RFFL: variants seen among roughly 807,000 people sequenced by gnomAD.
RFFL encodes ring finger and FYVE like domain containing E3 ubiquitin protein ligase, also known as E3 ubiquitin-protein ligase rififylin.
Under a neutral mutation model 40.4 loss-of-function variants are expected in RFFL, and 16 were observed. The observed-to-expected ratio is 0.40, with a 90% confidence interval of 0.27 to 0.60. RFFL has a LOEUF of 0.60. Ranked by LOEUF, RFFL falls within the 20% of genes least tolerant of loss-of-function variation. RFFL has a pLI of 0.47. For synonymous variants in RFFL, 154 were observed against 167.9 expected (o/e 0.92, Z 0.64); for missense variants, 367 against 451.7 (o/e 0.81, Z 1.70).
chr17:35,027,676 A>G lies in RFFL; in HGVS notation c.-8-1115T>C, dbSNP rs114137486. On this transcript the variant is annotated intron_variant, in intron 1 of 6. Transcript: ENST00000394597. ...GAAGTAGAGGTTGTGGTGACCCCAG[A>G]TCGTGCCACTGCACTCTAGCCTGGA... 7.0e-3 allele frequency among the ~76,000 whole-genome samples: 1,029 copies of G among 146,788 alleles called. 10 individuals carry two copies. Among genetic ancestry groups the G allele is most frequent in the African/African-American group, 0.024 (945 of 39,834 alleles).
chr17:35,017,687 A>G, intron 3 of RFFL, 81 bp from the exon 4 acceptor site: 2 of 903,142 alleles, frequency 2.2e-6, no homozygotes, highest in Non-Finnish European at 3.6e-6. Flanking sequence ...AACTCACACA[A>G]TGTCCAGAAT....
chr17:35,035,606 C>T (rs1256962960), intron 1 of RFFL, among the ~76,000 whole-genome samples: 1 of 151,084 alleles, frequency 6.6e-6, no homozygotes, highest in African/African-American at 2.4e-5. Context: ...AGTCAGCCGA[C>T]TAGGCTTTTA....
chr17:35,012,171 A>G (rs1165763392), intron 6 of RFFL, 22 bp from the exon 7 acceptor site: 3 of 1,603,294 alleles, frequency 1.9e-6, no homozygotes, highest in Non-Finnish European at 2.6e-6. Flanking sequence ...CACAGGGCAG[A>G]AAAAAAGGGG....
rs2090903604 is a variant in RFFL, at chr17:35,007,539, G to A, written c.*4429C>T. The A allele has an allele frequency of 1.3e-5, 2 of 152,234 alleles. No individual in the cohort carries two copies. Among genetic ancestry groups the A allele is most frequent in the South Asian group, 4.1e-4 (2 of 4,834 alleles). 9.4% of individuals were successfully genotyped at this position (152,234 alleles called of 1,614,324 possible). A position where few individuals can be genotyped will look rare whatever the true frequency, so the allele number is the denominator to read the frequency against. On this transcript the variant is annotated 3_prime_UTR_variant, in exon 7 of 7. Transcript: ENST00000394597. ...CTCCCTAGGGCAATGTGAGCAAAGT[G>A]TTGTGGCTCATCCTCGATCCTTTAT...
At chr17:35,077,895 T>C (rs1394490294) in intron 1 of RFFL, among the ~76,000 whole-genome samples, 1 of 152,212 alleles carries the variant, frequency 6.6e-6, no homozygotes, top group Non-Finnish European at 1.5e-5. Flanking sequence ...AAATCCACAG[T>C]AGTCAGCCAA....
chr17:35,061,959 C>T (rs1279332747), intron 1 of RFFL, among the ~76,000 whole-genome samples: 2 of 151,640 alleles, frequency 1.3e-5, no homozygotes, highest in African/African-American at 2.4e-5. Context: ...GGATTACAGG[C>T]GTGAGCCACC....
intron 1 of RFFL, among the ~76,000 whole-genome samples, chr17:35,040,800 T>C (rs939474229): frequency 9.3e-5 from 14 of 150,850 alleles, no homozygotes; most frequent in Admixed American, 6.6e-4. Flanking sequence ...GAACTTCCTA[T>C]GCTTAGCTCC....
intron 3 of RFFL, among the ~76,000 whole-genome samples, chr17:35,019,891 A>T (rs915146851): frequency 1.3e-5 from 2 of 152,196 alleles, no homozygotes; most frequent in African/African-American, 2.4e-5. Flanking sequence ...ACTGCAGTTA[A>T]ATTATGCTAT....
rs893197194 is a variant in RFFL, at chr17:35,007,066, T to C, written c.*4902A>G. On this transcript the variant is annotated 3_prime_UTR_variant, in exon 7 of 7. Coordinates refer to ENST00000394597, the MANE Select transcript of RFFL (RefSeq NM_001017368.2). ...TGACCTACATAGATTTCCATTTCTC[T>C]CTTCAGCCTCAGGCCAAACAAACAA... The C allele has an allele frequency of 6.6e-6, 1 of 152,270 alleles. No individual in the cohort carries two copies. The highest frequency in any genetic ancestry group is 2.4e-5 in the African/African-American group (1 of 41,462). The allele number at this position is 152,270 out of a possible 1,614,324, so 9.4% of individuals were successfully genotyped here. A position where few individuals can be genotyped will look rare whatever the true frequency, so the allele number is the denominator to read the frequency against.
intron 1 of RFFL, among the ~76,000 whole-genome samples, chr17:35,049,304 G>GCACA (rs111976707): frequency 0.025 from 3,745 of 149,908 alleles, 152 homozygotes; most frequent in African/African-American, 0.086. Context: ...GGTACAGAAT[G>GCACA]CACACACACA....
At chr17:35,028,877 T>C (rs1395526955) in intron 1 of RFFL, among the ~76,000 whole-genome samples, 2 of 152,002 alleles carry the variant, frequency 1.3e-5, no homozygotes, top group African/African-American at 4.8e-5. Flanking sequence ...ACCTGTGATA[T>C]AATTCGCTCC....
chr17:35,039,880 G>A (rs915376943), intron 1 of RFFL, among the ~76,000 whole-genome samples: 4 of 151,164 alleles, frequency 2.6e-5, no homozygotes, highest in East Asian at 2.0e-4. Context: ...TCTCCATGTC[G>A]GTCAGACTGG....
At chr17:35,062,909 G>T (rs752973103) in intron 1 of RFFL, among the ~76,000 whole-genome samples, 9 of 152,018 alleles carry the variant, frequency 5.9e-5, no homozygotes, top group Non-Finnish European at 1.3e-4. Flanking sequence ...AGGAATATGG[G>T]AACAAACTCA....
intron 1 of RFFL, chr17:35,069,212 C>T (rs1377952622): frequency 8.8e-6 from 4 of 456,432 alleles, no homozygotes; most frequent in Non-Finnish European, 1.8e-5. Context: ...GTCTCCCTGA[C>T]ACACATGCCC....
Position 35,012,049 on chromosome 17 carries a change from A to T in RFFL, c.1011T>A (p.Cys337Ter). Residue 337 changes from cysteine (C) to a stop codon, truncating the protein, a stop_gained, in exon 7 of 7, where the codon TGT (cysteine) becomes TGA (stop). Transcript: ENST00000394597. LOFTEE classifies it high-confidence loss of function. ...VLLECGHMVTCTKCGKRMNEC... is the reference protein window; with the variant it reads ...VLLECGHMVT Reference sequence around the variant, plus strand: ...CATTCATGCGCTTGCCACACTTGGTACAGGTTACCATGTGGCCACACTCCA... The same window carrying T: ...CATTCATGCGCTTGCCACACTTGGTTCAGGTTACCATGTGGCCACACTCCA... The T allele has an allele frequency of 6.2e-7, 1 of 1,614,180 alleles. No homozygotes were observed. The highest frequency in any genetic ancestry group is 8.5e-7 in the Non-Finnish European group (1 of 1,180,020).
chr17:35,038,367 G>C (rs1316931370), intron 1 of RFFL, among the ~76,000 whole-genome samples: 2 of 151,926 alleles, frequency 1.3e-5, no homozygotes, highest in East Asian at 1.9e-4. Context: ...CTCCAATTTG[G>C]AAATTTTGTG....
At chr17:35,066,760 G>T (rs893190876), upstream of RFFL, among the ~76,000 whole-genome samples, 1 of 152,010 alleles carries the variant, frequency 6.6e-6, no homozygotes, top group Non-Finnish European at 1.5e-5. Context: ...TTTTCTAACT[G>T]AGAAGTCGGT....
intron 1 of RFFL, among the ~76,000 whole-genome samples, chr17:35,041,983 C>A (rs1004909086): frequency 2.6e-5 from 4 of 152,124 alleles, no homozygotes; most frequent in Non-Finnish European, 4.4e-5. Flanking sequence ...CCACTGCACT[C>A]CAGCCTGGGC....
intron 1 of RFFL, chr17:35,077,011 T>A (rs1218261063): frequency 1.0e-5 from 3 of 295,882 alleles, no homozygotes; most frequent in African/African-American, 6.7e-5. Context: ...ATCTTAAGAA[T>A]TTCAACAATT....
Sources: allele counts gnomAD v4.1 joint callset (sites outside exome capture counted in the v4.1 genomes callset), GRCh38; gene constraint gnomAD v4.1.1; transcripts MANE v1.5; gene names NCBI Gene and HGNC (gene_info 2026-07-23, HGNC 2026-07-21).